Variants in COL11A1 observed in about 807,000 individuals in gnomAD.
The protein encoded by COL11A1 is collagen alpha-1(XI) chain.
A neutral mutation model predicts 265.2 loss-of-function variants in COL11A1; 74 were observed. The ratio of observed to expected loss-of-function variants is 0.28; its 90% CI spans 0.23 to 0.34. The LOEUF (loss-of-function observed/expected upper bound fraction) is 0.34, where lower values mean the gene tolerates loss of function less well. Among genes scored for constraint, COL11A1 ranks in the 10% least tolerant of loss-of-function variants. The probability of loss-of-function intolerance (pLI) is 1.00; values close to 1 mark genes in which losing one functional copy is unlikely to be tolerated. For synonymous variants in COL11A1, 816 were observed against 727.6 expected, an observed-to-expected ratio of 1.12 and a Z score of -1.96; for missense variants, 2,165 against 2,263.6, an observed-to-expected ratio of 0.96 and a Z score of 0.88.
At chr1:103,026,753 T>A (rs1207145031) in intron 5 of COL11A1, among the ~76,000 whole-genome samples, 3 of 151,906 alleles carry the variant, frequency 2.0e-5, no homozygotes, top group African/African-American at 7.3e-5. Flanking sequence ...AAGCTACATA[T>A]CTAAAAATAA....
rs745798103 is a variant in COL11A1, at chr1:103,022,850, G to A, written c.1137C>T (p.Gly379=). 2.9e-5 allele frequency: 47 copies of A among 1,613,566 alleles called. No individual in the cohort carries two copies. The highest frequency in any genetic ancestry group is 1.6e-4 in the South Asian group (15 of 91,078). Residue 379 remains glycine (G), a synonymous_variant, in exon 8 of 67, where the codon GGC becomes GGT. Transcript: ENST00000370096. ...DSDLLVDGDL[G]EYDFYEYKEY... ...CTTTATATTCATAAAAATCATATTC[G>A]CCTAAATCTCCATCTACCAGAAGAT...
chr1:103,008,404 G>A lies in COL11A1; in HGVS notation c.1683+59C>T, dbSNP rs1665820788. 5 of 1,393,642 alleles carry A rather than the reference G, an allele frequency of 3.6e-6. No individual in the cohort carries two copies. In the South Asian group the frequency reaches 5.8e-5, roughly 16 times the overall value. 86.3% of individuals were successfully genotyped at this position (1,393,642 alleles called of 1,614,324 possible). Reference sequence around the variant, plus strand: ...ATTAACTATTGATGCATTCTCGAAGGAATTATGCTGTATCAAAGAAGCCAG... The same window carrying A: ...ATTAACTATTGATGCATTCTCGAAGAAATTATGCTGTATCAAAGAAGCCAG... On this transcript the variant is annotated intron_variant, in intron 15 of 66. Coordinates refer to ENST00000370096, the MANE Select transcript of COL11A1 (RefSeq NM_001854.4).
In COL11A1 at chr1:103,051,816, A is replaced by G. The variant is rs1669856745; in HGVS notation, c.652-20572T>C. ...ATCTCACATTAACTGTGTGTTTACT[A>G]TAAAACTCAAGAAGTATAGAAAAGA... On this transcript the variant is annotated intron_variant, in intron 4 of 66. Transcript: ENST00000370096. 2.6e-5 allele frequency among the ~76,000 whole-genome samples: 4 copies of G among 152,190 alleles called. No homozygotes were observed. In the South Asian group the frequency reaches 8.3e-4, roughly 31 times the overall value.
chr1:102,944,786 T>G (rs1346312710), intron 42 of COL11A1, among the ~76,000 whole-genome samples: 1 of 152,218 alleles, frequency 6.6e-6, no homozygotes, highest in Non-Finnish European at 1.5e-5. Flanking sequence ...ATATTCTCAA[T>G]TTGTATACAA....
chr1:102,914,928 C>A (rs532977281), intron 50 of COL11A1, 117 bp from the exon 51 acceptor site: 2 of 807,574 alleles, frequency 2.5e-6, no homozygotes, highest in East Asian at 5.4e-5. Context: ...TTTTTTTAGA[C>A]GGAATATCAC....
intron 4 of COL11A1, among the ~76,000 whole-genome samples, chr1:103,058,917 T>C (rs1370032101): frequency 1.3e-5 from 2 of 152,136 alleles, no homozygotes; most frequent in Non-Finnish European, 2.9e-5. Context: ...ATCTTTAATG[T>C]TACAGTTGTA....
intron 3 of COL11A1, among the ~76,000 whole-genome samples, chr1:103,076,715 T>C (rs1169898991): frequency 6.6e-6 from 1 of 152,144 alleles, no homozygotes; most frequent in Non-Finnish European, 1.5e-5. Context: ...TCTAAAATAG[T>C]ACACTCTACA....
chr1:102,943,878 C>T (rs1231514247), intron 42 of COL11A1, among the ~76,000 whole-genome samples: 2 of 152,156 alleles, frequency 1.3e-5, no homozygotes, highest in African/African-American at 4.8e-5. Flanking sequence ...CACTTCTTCT[C>T]TGTAATCTTT....
intron 41 of COL11A1, among the ~76,000 whole-genome samples, chr1:102,961,178 T>C (rs1381834737): frequency 2.6e-5 from 4 of 152,082 alleles, no homozygotes; most frequent in Non-Finnish European, 5.9e-5. Context: ...GAAATTTCAG[T>C]GTGCAGATAA....
intron 2 of COL11A1, 97 bp downstream of exon 2, chr1:103,082,708 A>T (rs1370459291): frequency 9.5e-7 from 1 of 1,057,366 alleles, no homozygotes; most frequent in African/African-American, 1.6e-5. Flanking sequence ...TGATAAAAAT[A>T]CTAATTAGTA....
intron 9 of COL11A1, among the ~76,000 whole-genome samples, chr1:103,021,262 T>C (rs923688162): frequency 6.6e-6 from 1 of 151,816 alleles, no homozygotes; most frequent in Non-Finnish European, 1.5e-5. Flanking sequence ...AAAAATATCA[T>C]ATGACACAAT....
At chr1:102,931,420 T>C (rs1467892856) in intron 46 of COL11A1, among the ~76,000 whole-genome samples, 3 of 151,274 alleles carry the variant, frequency 2.0e-5, no homozygotes, top group African/African-American at 7.3e-5. Flanking sequence ...AGATTCTTAA[T>C]CCTGAGTTCT....
At chr1:102,893,815 T>C (rs890030268) in intron 57 of COL11A1, among the ~76,000 whole-genome samples, 6 of 152,160 alleles carry the variant, frequency 3.9e-5, no homozygotes, top group African/African-American at 1.4e-4. Context: ...AAATGCTTTT[T>C]TATTTAAACC....
Position 102,990,381 on chromosome 1 carries a change from TG to T in COL11A1, c.2341-811del, listed in dbSNP as rs375819312. ...ATTAGATAAATGCCTTCTAGCTCAA[TG>T]GGTTCTGTATCTTACAATCTTCTTT... On this transcript the variant is annotated intron_variant, in intron 28 of 66. Coordinates refer to ENST00000370096, the MANE Select transcript of COL11A1 (RefSeq NM_001854.4). Among the ~76,000 whole-genome samples, 69 of 152,172 alleles carry T rather than the reference TG, an allele frequency of 4.5e-4. 4 individuals are homozygous for T. The South Asian group carries it at 0.014, about 31-fold the overall frequency.
At chr1:103,067,033 A>G (rs1671212225) in intron 4 of COL11A1, among the ~76,000 whole-genome samples, 2 of 151,930 alleles carry the variant, frequency 1.3e-5, no homozygotes, top group Admixed American at 6.6e-5. Context: ...GCCGCAAAAA[A>G]TGGCAAAATG....
intron 9 of COL11A1, 42 bp downstream of exon 9, chr1:103,021,665 C>A: frequency 7.6e-7 from 1 of 1,317,936 alleles, no homozygotes; most frequent in South Asian, 1.2e-5. Flanking sequence ...GGCTCATAAG[C>A]AATTTTACCA....
chr1:103,075,080 A>G (rs554158781), intron 3 of COL11A1, among the ~76,000 whole-genome samples: 1 of 152,136 alleles, frequency 6.6e-6, no homozygotes, highest in African/African-American at 2.4e-5. Flanking sequence ...GCTTAATCTC[A>G]CTGTGTCCTG....
intron 46 of COL11A1, among the ~76,000 whole-genome samples, chr1:102,925,837 C>A (rs1656535994): frequency 6.6e-6 from 1 of 152,074 alleles, no homozygotes; most frequent in South Asian, 2.1e-4. Context: ...GCATACACTG[C>A]AACTTAAACA....
intron 54 of COL11A1, among the ~76,000 whole-genome samples, chr1:102,899,787 T>C (rs1652953480): frequency 6.6e-6 from 1 of 151,924 alleles, no homozygotes; most frequent in Admixed American, 6.6e-5. Flanking sequence ...TTGCAGAGAG[T>C]AGTCATGGTG....
Sources: gnomAD v4.1 joint callset for allele counts (sites outside exome capture counted in the v4.1 genomes callset) on GRCh38, gnomAD v4.1.1 for gene constraint, MANE v1.5 for transcripts, NCBI Gene and HGNC (gene_info 2026-07-23, HGNC 2026-07-21) for gene names.